The following PRKCA variants were observed in gnomAD, a reference collection of about 807,000 sequenced individuals.
PRKCA encodes the protein protein kinase C alpha type.
In PRKCA, 27 loss-of-function variants were observed where a neutral mutation model predicts 87.0. The observed-to-expected ratio is 0.31, with a 90% CI of 0.23 to 0.43. The LOEUF is 0.43. PRKCA is among the 20% of genes least tolerant of loss of function. PRKCA has a pLI of 1.00. For synonymous variants in PRKCA, 329 were observed against 311.1 expected, an observed-to-expected ratio of 1.06 and a Z score of -0.61; for missense variants, 518 against 852.3, an observed-to-expected ratio of 0.61 and a Z score of 4.88.
At chr17:66,359,897 T>A (rs935201567) in intron 2 of PRKCA, among the ~76,000 whole-genome samples, 4 of 152,242 alleles carry the variant, frequency 2.6e-5, no homozygotes, top group Admixed American at 1.3e-4. Context: ...AATTATTTCT[T>A]GTTGCCTCTG....
Position 66,805,055 on chromosome 17 carries a change from G to T in PRKCA, c.*1018G>T. The T allele has an allele frequency of 1.0e-6, 1 of 982,228 alleles. No individual in the cohort carries two copies. Among genetic ancestry groups the T allele is most frequent in the Non-Finnish European group, 1.2e-6 (1 of 826,998 alleles). The allele number at this position is 982,228 out of a possible 1,614,324, so 60.8% of individuals were successfully genotyped here. Reference sequence around the variant, plus strand: ...AAGTACGATGTACAGTAACTTAATGGAAGTGCTGACTCTAGCATCAGCCTC... The same window carrying T: ...AAGTACGATGTACAGTAACTTAATGTAAGTGCTGACTCTAGCATCAGCCTC... On this transcript the variant is annotated 3_prime_UTR_variant, in exon 17 of 17. Coordinates refer to ENST00000413366, the MANE Select transcript of PRKCA (RefSeq NM_002737.3).
chr17:66,548,383 A>G (rs2143192772), intron 3 of PRKCA, among the ~76,000 whole-genome samples: 1 of 152,208 alleles, frequency 6.6e-6, no homozygotes, highest in East Asian at 1.9e-4. Context: ...CCCTCAGAAA[A>G]TGATTTATAA....
chr17:66,607,400 G>A (rs1838428695), intron 3 of PRKCA, among the ~76,000 whole-genome samples: 2 of 152,174 alleles, frequency 1.3e-5, no homozygotes, highest in African/African-American at 4.8e-5. Flanking sequence ...TTGTCCTTTT[G>A]AGGGGAAGAG....
intron 2 of PRKCA, among the ~76,000 whole-genome samples, chr17:66,442,573 A>T (rs4791060): frequency 0.37 from 55,465 of 151,906 alleles, 10,712 homozygotes; most frequent in Middle Eastern, 0.5. Flanking sequence ...GCCCTGTATC[A>T]TCAGCTGCCC....
At chr17:66,687,574 C>T (rs1972664401) in intron 6 of PRKCA, among the ~76,000 whole-genome samples, 1 of 152,160 alleles carries the variant, frequency 6.6e-6, no homozygotes, top group Non-Finnish European at 1.5e-5. Flanking sequence ...GGTGTGTCCA[C>T]CTCTTGATGG....
At position 66,801,221 on chromosome 17, in the gene PRKCA, G is replaced by C. The variant is rs114366348; in HGVS notation, c.1855-2652G>C. Among the ~76,000 whole-genome samples the C allele has an allele frequency of 2.0e-3, 305 of 152,298 alleles. 1 individual carries two copies. The highest frequency in any genetic ancestry group is 7.0e-3 in the African/African-American group (291 of 41,568). ...CTACTCAGCCTCACACAGTAGTCTT[G>C]TTATATCCCTGAGTTTCTCAGCAGC... is the stretch of plus-strand genomic sequence containing the variant. On this transcript the variant is annotated intron_variant, in intron 16 of 16. Coordinates refer to ENST00000413366, the MANE Select transcript of PRKCA (RefSeq NM_002737.3).
intron 2 of PRKCA, among the ~76,000 whole-genome samples, chr17:66,434,073 C>T (rs1913240491): frequency 2.0e-5 from 3 of 152,040 alleles, no homozygotes; most frequent in African/African-American, 7.2e-5. Context: ...TTCCCTCAGC[C>T]TGAGCTCTTT....
intron 14 of PRKCA, chr17:66,777,975 T>C (rs574661006): frequency 3.0e-6 from 3 of 984,910 alleles, no homozygotes; most frequent in Non-Finnish European, 2.4e-6. Flanking sequence ...GAAGTCCCCT[T>C]TGGGGGGTGC....
intron 3 of PRKCA, among the ~76,000 whole-genome samples, chr17:66,591,952 C>T (rs1355101781): frequency 6.6e-6 from 1 of 152,000 alleles, no homozygotes; most frequent in Non-Finnish European, 1.5e-5. Flanking sequence ...AACGTTAGAC[C>T]CAAGAGTGTC....
intron 3 of PRKCA, among the ~76,000 whole-genome samples, chr17:66,497,791 G>C (rs182207435): frequency 6.6e-6 from 1 of 152,258 alleles, no homozygotes; most frequent in East Asian, 1.9e-4. Flanking sequence ...TCTTCCCTTT[G>C]CGAAAGATGA....
intron 8 of PRKCA, among the ~76,000 whole-genome samples, chr17:66,701,701 G>A (rs1973069299): frequency 6.6e-6 from 1 of 152,114 alleles, no homozygotes; most frequent in Non-Finnish European, 1.5e-5. Flanking sequence ...TGGCCAACAG[G>A]TAAAGGAAAA....
intron 2 of PRKCA, among the ~76,000 whole-genome samples, chr17:66,438,812 T>C (rs1033083646): frequency 3.9e-5 from 6 of 152,018 alleles, no homozygotes; most frequent in African/African-American, 1.4e-4. Context: ...AACCATCAGC[T>C]CTTGTGAGAA....
At chr17:66,485,316 G>T (rs536369331) in intron 2 of PRKCA, among the ~76,000 whole-genome samples, 3 of 152,158 alleles carry the variant, frequency 2.0e-5, no homozygotes, top group African/African-American at 7.2e-5. Context: ...GAAATAAAAA[G>T]ATCCTGAAAG....
At chr17:66,773,776 C>G (rs1974989931) in intron 13 of PRKCA, among the ~76,000 whole-genome samples, 1 of 152,040 alleles carries the variant, frequency 6.6e-6, no homozygotes, top group African/African-American at 2.4e-5. Context: ...CAAGATTCCC[C>G]AAACCAGCCG....
rs753622928 is a variant in PRKCA, at chr17:66,742,718, G to A, written c.1482G>A (p.Thr494=). ...MCKEHMMDGV[T]TRTFCGTPDY... Reference sequence around the variant, plus strand: ...AGGAACACATGATGGATGGAGTCACGACCAGGACCTTCTGTGGGACTCCAG... The same window carrying A: ...AGGAACACATGATGGATGGAGTCACAACCAGGACCTTCTGTGGGACTCCAG... Residue 494 remains threonine, a synonymous_variant, in exon 13 of 17, where the codon ACG becomes ACA. Transcript: ENST00000413366. 3.1e-6 allele frequency: 5 copies of A among 1,614,128 alleles called. No homozygotes were observed. The highest frequency in any genetic ancestry group is 3.3e-5 in the Admixed American group (2 of 60,024).
intron 2 of PRKCA, among the ~76,000 whole-genome samples, chr17:66,417,873 A>C (rs1912249715): frequency 6.6e-6 from 1 of 152,192 alleles, no homozygotes; most frequent in Non-Finnish European, 1.5e-5. Flanking sequence ...CCCAGGATGC[A>C]TGCAACTGGG....
At chr17:66,656,747 G>A (rs1402105122) in intron 5 of PRKCA, among the ~76,000 whole-genome samples, 2 of 152,106 alleles carry the variant, frequency 1.3e-5, no homozygotes, top group African/African-American at 2.4e-5. Context: ...TGAAGTGTTT[G>A]GGAATGGTTA....
At chr17:66,577,841 G>T (rs1215779866) in intron 3 of PRKCA, among the ~76,000 whole-genome samples, 1 of 152,054 alleles carries the variant, frequency 6.6e-6, no homozygotes, top group Admixed American at 6.6e-5. Context: ...GGGGTAGTGG[G>T]GGGTAGGGAG....
chr17:66,554,769 T>G (rs1304665921), intron 3 of PRKCA, among the ~76,000 whole-genome samples: 1 of 152,218 alleles, frequency 6.6e-6, no homozygotes, highest in Non-Finnish European at 1.5e-5. Context: ...GCCCCAGGAA[T>G]GGATCAGCCA....
Sources: gnomAD v4.1 joint callset for allele counts (sites outside exome capture counted in the v4.1 genomes callset) on GRCh38, gnomAD v4.1.1 for gene constraint, MANE v1.5 for transcripts, NCBI Gene and HGNC (gene_info 2026-07-23, HGNC 2026-07-21) for gene names.